Variants in RIPOR2 observed in about 807,000 individuals in gnomAD.
RIPOR2 encodes RHO family interacting cell polarization regulator 2.
RIPOR2 carries 39 observed loss-of-function variants against 114.5 expected under a neutral mutation model. The ratio of observed to expected loss-of-function variants is 0.34; its 90% CI spans 0.26 to 0.44. The LOEUF (loss-of-function observed/expected upper bound fraction) is 0.44, where lower values mean the gene tolerates loss of function less well. RIPOR2 is among the 20% of genes least tolerant of loss of function. The pLI, the probability that RIPOR2 is intolerant of heterozygous loss-of-function variation, is 1.00. For missense variants in RIPOR2, 1,007 were observed against 1,255.1 expected, an observed-to-expected ratio of 0.80 and a Z score of 2.99; for synonymous variants, 445 against 484.4, an observed-to-expected ratio of 0.92 and a Z score of 1.07.
intron 6 of RIPOR2, 135 bp downstream of exon 6, chr6:24,868,959 A>G (rs1274729342): frequency 1.9e-6 from 1 of 540,164 alleles, no homozygotes; most frequent in African/African-American, 1.9e-5. Flanking sequence ...CCACTTGATG[A>G]CGTAATTGCT....
rs181843494 is a variant in RIPOR2, at chr6:24,864,432, C to T, written c.651+869G>A. On this transcript the variant is annotated intron_variant, in intron 7 of 21. Coordinates refer to ENST00000643898, the MANE Select transcript of RIPOR2 (RefSeq NM_001286445.3). ...AACTTGGTTTAGACAAGAGGCAACA[C>T]GGGAGTGTACACACAAAGGGATCCT... 4.6e-5 allele frequency among the ~76,000 whole-genome samples: 7 copies of T among 152,220 alleles called. No homozygotes were observed. In the East Asian group the frequency reaches 5.8e-4, roughly 13 times the overall value.
chr6:24,886,911 C>T (rs1249210444), intron 1 of RIPOR2, among the ~76,000 whole-genome samples: 1 of 152,200 alleles, frequency 6.6e-6, no homozygotes, highest in Non-Finnish European at 1.5e-5. Context: ...TCAATTATTC[C>T]TATAATGATG....
intron 1 of RIPOR2, among the ~76,000 whole-genome samples, chr6:25,040,015 A>G: frequency 6.6e-6 from 1 of 152,204 alleles, no homozygotes; most frequent in East Asian, 1.9e-4. Flanking sequence ...CCACTCATTC[A>G]TCTTAATTTA....
At chr6:25,004,057 A>C (rs955097678) in intron 1 of RIPOR2, among the ~76,000 whole-genome samples, 3 of 152,164 alleles carry the variant, frequency 2.0e-5, no homozygotes, top group Admixed American at 2.0e-4. Context: ...CACAGTGAAA[A>C]GGAGTAACTG....
chr6:24,836,358 A>T (rs1230916051), intron 14 of RIPOR2, among the ~76,000 whole-genome samples: 1 of 152,244 alleles, frequency 6.6e-6, no homozygotes, highest in African/African-American at 2.4e-5. Flanking sequence ...GAAGAGAGAC[A>T]TGATGTTCTA....
chr6:24,896,624 G>T (rs1335521984), intron 1 of RIPOR2, among the ~76,000 whole-genome samples: 1 of 152,164 alleles, frequency 6.6e-6, no homozygotes, highest in African/African-American at 2.4e-5. Context: ...TAAAAAATAG[G>T]CTGGGCACGG....
intron 1 of RIPOR2, among the ~76,000 whole-genome samples, chr6:24,965,855 ATC>A (rs767838825): frequency 2.0e-5 from 3 of 152,214 alleles, no homozygotes; most frequent in African/African-American, 4.8e-5. Context: ...CATGTGCTCC[ATC>A]TCAGTAACTT....
intron 1 of RIPOR2, chr6:25,024,543 T>A (rs1474511606): frequency 3.3e-6 from 2 of 607,380 alleles, no homozygotes; most frequent in African/African-American, 3.7e-5. Context: ...CAGGGTGCAG[T>A]GAACCACTCG....
chr6:24,976,968 G>A, intron 1 of RIPOR2: 1 of 1,549,130 alleles, frequency 6.5e-7, no homozygotes, highest in Non-Finnish European at 8.8e-7. Context: ...GCTGACTGTG[G>A]ACAACTCGAA....
In RIPOR2 at chr6:24,844,619, C is replaced by T. The variant is rs62401987; in HGVS notation, c.1165-1065G>A. ...CCAAGTAGCTAGGATTACAGGCATG[C>T]GCCACCACGCCCCCAGCTAATTTTT... On this transcript the variant is annotated intron_variant, in intron 12 of 21. Transcript: ENST00000643898. Among the ~76,000 whole-genome samples, 565 of 151,814 alleles carry T rather than the reference C, an allele frequency of 3.7e-3. 5 individuals are homozygous for T. The highest frequency in any genetic ancestry group is 5.7e-3 in the Admixed American group (87 of 15,214).
intron 1 of RIPOR2, among the ~76,000 whole-genome samples, chr6:24,963,987 G>T (rs565461540): frequency 6.6e-6 from 1 of 152,034 alleles, no homozygotes; most frequent in Non-Finnish European, 1.5e-5. Flanking sequence ...GGACTAAAGC[G>T]ATCCTCCCCT....
chr6:24,945,326 G>C (rs1772351756), intron 1 of RIPOR2, among the ~76,000 whole-genome samples: 1 of 152,142 alleles, frequency 6.6e-6, no homozygotes, highest in Non-Finnish European at 1.5e-5. Context: ...CTGAGGAAGT[G>C]TATTACTAGT....
At chr6:24,946,793 C>G (rs1283416336) in intron 1 of RIPOR2, among the ~76,000 whole-genome samples, 1 of 152,172 alleles carries the variant, frequency 6.6e-6, no homozygotes, top group Non-Finnish European at 1.5e-5. Context: ...GTGACCCAGT[C>G]TCTCCTGACG....
At chr6:24,905,703 A>G (rs1425462359) in intron 1 of RIPOR2, among the ~76,000 whole-genome samples, 1 of 152,222 alleles carries the variant, frequency 6.6e-6, no homozygotes, top group Non-Finnish European at 1.5e-5. Context: ...GAGTTGCACT[A>G]GCTCCAGGAG....
rs1763741872 is a variant in RIPOR2, at chr6:24,858,734, A to G, written c.715+2239T>C. On this transcript the variant is annotated intron_variant, in intron 8 of 21. Coordinates refer to ENST00000643898, the MANE Select transcript of RIPOR2 (RefSeq NM_001286445.3). This position sits in a 1 kb window ranked among gnomAD's most constrained non-coding sequence, Gnocchi z 4.0. ...AGGTGGACTCTCAGGAACATCAGGC[A>G]GGAGAGCAAGAACAACAGAGAGAGG... Among the ~76,000 whole-genome samples, 1 of 152,178 alleles carries G rather than the reference A, an allele frequency of 6.6e-6. No homozygotes were observed. The highest frequency in any genetic ancestry group is 1.5e-5 in the Non-Finnish European group (1 of 68,034).
chr6:24,928,480 C>A (rs1771134257), intron 1 of RIPOR2, among the ~76,000 whole-genome samples: 1 of 152,170 alleles, frequency 6.6e-6, no homozygotes, highest in Non-Finnish European at 1.5e-5. Flanking sequence ...AAAGGCTCAG[C>A]CAGCTGACTC....
chr6:24,835,927 C>A, intron 14 of RIPOR2, 56 bp from the exon 15 acceptor site: 2 of 1,521,008 alleles, frequency 1.3e-6, no homozygotes, highest in South Asian at 2.4e-5. Flanking sequence ...AACCACAGGT[C>A]AAGTCCACAT....
At chr6:24,895,781 GA>G (rs892779415) in intron 1 of RIPOR2, among the ~76,000 whole-genome samples, 1 of 152,102 alleles carries the variant, frequency 6.6e-6, no homozygotes, top group Non-Finnish European at 1.5e-5. Context: ...ACGAGGTCAG[GA>G]GATCAAGACC....
intron 1 of RIPOR2, among the ~76,000 whole-genome samples, chr6:24,924,563 G>C (rs773183209): frequency 1.3e-5 from 2 of 152,108 alleles, no homozygotes; most frequent in Non-Finnish European, 2.9e-5. Flanking sequence ...AAGGCATTCT[G>C]TCTTAGCCAC....
Sources: gnomAD v4.1 joint callset for allele counts (sites outside exome capture counted in the v4.1 genomes callset) on GRCh38, gnomAD v4.1.1 for gene constraint, Gnocchi (gnomAD v3.1) non-coding constraint, MANE v1.5 for transcripts, NCBI Gene and HGNC (gene_info 2026-07-23, HGNC 2026-07-21) for gene names.